Variants in DDTL observed in about 807,000 individuals in gnomAD.
DDTL encodes putative D-dopachrome decarboxylase-like protein.
DDTL carries 1 observed loss-of-function variant against 1.1 expected under a neutral mutation model. The observed-to-expected ratio is 0.91, with a 90% CI of 0.32 to 4.31. DDTL has a LOEUF of 4.31. Ranked by LOEUF, DDTL falls within the 30% of genes most tolerant of loss-of-function variation. The pLI, the probability that DDTL is intolerant of heterozygous loss-of-function variation, is 0.17. For missense variants in DDTL, 54 were observed against 48.9 expected (o/e 1.10, Z -0.31); for synonymous variants, 21 against 16.6 (o/e 1.26, Z -0.64).
chr22:23,971,403 A>G lies in DDTL; in HGVS notation c.402A>G (p.Ile134Met). Residue 134 changes from isoleucine to methionine, a missense_variant, in exon 3 of 3, where the codon ATA becomes ATG. Transcript: ENST00000215770. Reference sequence around the variant, plus strand: ...AGGAAGCTCTCTTCATTTATTTCATATGAGGATGAAGAAGAGGATTATGTG... The same window carrying G: ...AGGAAGCTCTCTTCATTTATTTCATGTGAGGATGAAGAAGAGGATTATGTG... ...LNEEALFIYF[I>M] is the part of the protein sequence containing the mutation. 6.2e-7 allele frequency: 1 copy of G among 1,613,406 alleles called. No individual in the cohort carries two copies. Among genetic ancestry groups the G allele is most frequent in the Non-Finnish European group, 8.5e-7 (1 of 1,179,652 alleles).
chr22:23,969,467 T>G (rs925333959), intron 2 of DDTL: 8 of 986,062 alleles, frequency 8.1e-6, no homozygotes, highest in Non-Finnish European at 9.6e-6. Context: ...CTGTGTTGAG[T>G]GTCTGTCCTA....
At position 23,971,404 on chromosome 22, in the gene DDTL, T is replaced by G. The variant is rs777428080; in HGVS notation, c.403T>G (p.Ter135GlyextTer2). 7 of 1,613,414 alleles carry G rather than the reference T, an allele frequency of 4.3e-6. No homozygotes were observed. The South Asian group carries it at 7.7e-5, about 18-fold the overall frequency. The part of the protein sequence containing the change: ...NEEALFIYFI[*>G] ...GGAAGCTCTCTTCATTTATTTCATA[T>G]GAGGATGAAGAAGAGGATTATGTGA... Residue 135 changes from the stop codon to glycine, a stop_lost, in exon 3 of 3, where the codon TGA becomes GGA. Transcript: ENST00000215770.
At position 23,969,258 on chromosome 22, in the gene DDTL, G is replaced by A. The variant is rs530233526; in HGVS notation, c.284+1697G>A. Reference sequence around the variant, plus strand: ...GCTGTGGCGCTCCTCACTGAAAACTGCTGTCACCTCTGAGAGGGGCATGTT... The same window carrying A: ...GCTGTGGCGCTCCTCACTGAAAACTACTGTCACCTCTGAGAGGGGCATGTT... On this transcript the variant is annotated intron_variant, in intron 2 of 2. Transcript: ENST00000215770. 83 of 985,522 alleles carry A rather than the reference G, an allele frequency of 8.4e-5. No individual in the cohort carries two copies. In the African/African-American group the frequency reaches 1.3e-3, roughly 16 times the overall value. The allele number at this position is 985,522 out of a possible 1,614,324, so 61.0% of individuals were successfully genotyped here.
Position 23,971,679 on chromosome 22 carries a change from C to A in DDTL, c.*273C>A. On this transcript the variant is annotated 3_prime_UTR_variant, in exon 3 of 3. Coordinates refer to ENST00000215770, the MANE Select transcript of DDTL (RefSeq NM_001084393.2). ...GCTCCTTGGCTAATACCACATCTTG[C>A]AAGACCCCTGCCAGGTACTCCCACT... is the stretch of plus-strand genomic sequence containing the variant. 1.3e-6 allele frequency: 2 copies of A among 1,526,930 alleles called. No homozygotes were observed. Among genetic ancestry groups the A allele is most frequent in the Admixed American group, 1.8e-5 (1 of 55,998 alleles). The allele number at this position is 1,526,930 out of a possible 1,614,324, so 94.6% of individuals were successfully genotyped here.
At chr22:23,969,706 C>T in intron 2 of DDTL, 1 of 978,072 alleles carries the variant, frequency 1.0e-6, no homozygotes, top group Non-Finnish European at 1.2e-6. Flanking sequence ...GTGATCCAAA[C>T]TACATGGGAG....
rs1601559259 is a variant in DDTL at position 23,971,719 on chromosome 22, C to G, written c.*313C>G. The stretch of plus-strand genomic sequence containing the variant: ...GTACTCCCACTGTGGGTACTCAGGA[C>G]AGCCTGCCTCAGTCCACCAGGCATT... On this transcript the variant is annotated 3_prime_UTR_variant, in exon 3 of 3. Transcript: ENST00000215770. The G allele has an allele frequency of 9.2e-7, 1 of 1,083,992 alleles. No individual in the cohort carries two copies. Among genetic ancestry groups the G allele is most frequent in the Non-Finnish European group, 1.3e-6 (1 of 748,136 alleles). The allele number at this position is 1,083,992 out of a possible 1,614,324, so 67.1% of individuals were successfully genotyped here. A position where few individuals can be genotyped will look rare whatever the true frequency, so the allele number is the denominator to read the frequency against.
In DDTL at chr22:23,971,323, G is replaced by C. The variant is rs1186439548; in HGVS notation, c.322G>C (p.Gly108Arg). The C allele has an allele frequency of 1.2e-6, 2 of 1,614,144 alleles. No individual in the cohort carries two copies. The highest frequency in any genetic ancestry group is 1.7e-5 in the Admixed American group (1 of 60,016). The change falls in exon 3 of 3, where the codon GGT becomes CGT. Residue 108 changes from glycine (G) to arginine (R), a missense_variant. By Grantham distance (125) the Gly-to-Arg change is moderately radical. Transcript: ENST00000215770. ...TVLSTSPAAH[G>R]GPRCPGEIIE... ...CTTATCCACCAGCCCTGCTGCCCAT[G>C]GTGGCCCCAGATGCCCAGGAGAGAT...
chr22:23,972,165 T>C lies in DDTL; in HGVS notation c.*759T>C, dbSNP rs1288452718. 1 of 968,090 alleles carries C rather than the reference T, an allele frequency of 1.0e-6. No individual in the cohort carries two copies. Among genetic ancestry groups the C allele is most frequent in the African/African-American group, 1.8e-5 (1 of 56,770 alleles). 60.0% of individuals were successfully genotyped at this position (968,090 alleles called of 1,614,324 possible). A position where few individuals can be genotyped will look rare whatever the true frequency, so the allele number is the denominator to read the frequency against. The stretch of plus-strand genomic sequence containing the variant: ...TCTTCTCATCATAAAATTGGCATAA[T>C]GGAGATTATCTACCTCATGGGGATA... On this transcript the variant is annotated 3_prime_UTR_variant, in exon 3 of 3. Transcript: ENST00000215770.
At chr22:23,969,994 C>G in intron 2 of DDTL, 2 of 375,332 alleles carry the variant, frequency 5.3e-6, no homozygotes, top group African/African-American at 2.2e-5. Context: ...CCTCATGTCA[C>G]CTGGCAGGAG....
intron 2 of DDTL, 75 bp from the exon 3 acceptor site, chr22:23,971,211 T>C (rs992458534): frequency 5.2e-6 from 8 of 1,527,612 alleles, no homozygotes; most frequent in African/African-American, 2.8e-5. Flanking sequence ...GGCCTGCAGA[T>C]GGGTGTGGAG....
chr22:23,970,661 G>A (rs1045757742), intron 2 of DDTL, among the ~76,000 whole-genome samples: 1 of 152,136 alleles, frequency 6.6e-6, no homozygotes, highest in Admixed American at 6.5e-5. Context: ...GATTGTATAT[G>A]TGTGTGAATG....
At chr22:23,970,826 C>A (rs1441759777) in intron 2 of DDTL, among the ~76,000 whole-genome samples, 5 of 152,044 alleles carry the variant, frequency 3.3e-5, no homozygotes, top group Non-Finnish European at 5.9e-5. Context: ...GCCTGGGGAC[C>A]CCTGGGCTGG....
chr22:23,972,063 G>T lies in DDTL; in HGVS notation c.*657G>T. ...ATAAGTGAACATGCCCCTCTCAGAG[G>T]TAACAGCAAGTTTCCAGTGAGGAAA... On this transcript the variant is annotated 3_prime_UTR_variant, in exon 3 of 3. Transcript: ENST00000215770. 1.7e-6 allele frequency: 1 copy of T among 596,442 alleles called. No homozygotes were observed. 36.9% of individuals were successfully genotyped at this position (596,442 alleles called of 1,614,324 possible). A position where few individuals can be genotyped will look rare whatever the true frequency, so the allele number is the denominator to read the frequency against.
At position 23,972,026 on chromosome 22, in the gene DDTL, A is replaced by C. The variant is rs1249621792; in HGVS notation, c.*620A>C. On this transcript the variant is annotated 3_prime_UTR_variant, in exon 3 of 3. Transcript: ENST00000215770. The stretch of plus-strand genomic sequence containing the variant: ...CCCCCACCCCACCAACCCCGCCACT[A>C]ATGTCTGGGCCATAAGTGAACATGC... 5 of 347,864 alleles carry C rather than the reference A, an allele frequency of 1.4e-5. No individual in the cohort carries two copies. The highest frequency in any genetic ancestry group is 1.6e-4 in the East Asian group (1 of 6,234). 21.5% of individuals were successfully genotyped at this position (347,864 alleles called of 1,614,324 possible). A position where few individuals can be genotyped will look rare whatever the true frequency, so the allele number is the denominator to read the frequency against.
rs1008924555 is a variant in DDTL, at chr22:23,972,290, T to C, written c.*884T>C. 2.3e-6 allele frequency: 2 copies of C among 884,072 alleles called. No individual in the cohort carries two copies. Among genetic ancestry groups the C allele is most frequent in the African/African-American group, 1.8e-5 (1 of 54,218 alleles). 54.8% of individuals were successfully genotyped at this position (884,072 alleles called of 1,614,324 possible). A position where few individuals can be genotyped will look rare whatever the true frequency, so the allele number is the denominator to read the frequency against. Reference sequence around the variant, plus strand: ...TGTAGAGGACCTAGCACATGGTAAGTGTATAACACTTGTTGTTAGAGTAAC... The same window carrying C: ...TGTAGAGGACCTAGCACATGGTAAGCGTATAACACTTGTTGTTAGAGTAAC... On this transcript the variant is annotated 3_prime_UTR_variant, in exon 3 of 3. Coordinates refer to ENST00000215770, the MANE Select transcript of DDTL (RefSeq NM_001084393.2).
At chr22:23,969,430 G>T (rs1180500044) in intron 2 of DDTL, 1 of 985,944 alleles carries the variant, frequency 1.0e-6, no homozygotes, top group Non-Finnish European at 1.2e-6. Flanking sequence ...AGAGATGATG[G>T]AGTGTGCAGC....
Position 23,971,769 on chromosome 22 carries a change from T to C in DDTL, c.*363T>C, listed in dbSNP as rs530591426. Reference sequence around the variant, plus strand: ...TTTGCAAACCTGCTCATCCCAATAATGATTTTCCCCAACCCCCAGCAGGGC... The same window carrying C: ...TTTGCAAACCTGCTCATCCCAATAACGATTTTCCCCAACCCCCAGCAGGGC... On this transcript the variant is annotated 3_prime_UTR_variant, in exon 3 of 3. Coordinates refer to ENST00000215770, the MANE Select transcript of DDTL (RefSeq NM_001084393.2). 1 of 700,242 alleles carries C rather than the reference T, an allele frequency of 1.4e-6. No homozygotes were observed. The highest frequency in any genetic ancestry group is 2.9e-5 in the Admixed American group (1 of 35,000). 43.4% of individuals were successfully genotyped at this position (700,242 alleles called of 1,614,324 possible).
Position 23,971,447 on chromosome 22 carries a change from G to T in DDTL, c.*41G>T, listed in dbSNP as rs1185578175. On this transcript the variant is annotated 3_prime_UTR_variant, in exon 3 of 3. Coordinates refer to ENST00000215770, the MANE Select transcript of DDTL (RefSeq NM_001084393.2). ...TTATGTGATCACAGGAATGTTGCAT[G>T]CGGGATAATCCAAAGCTGGTTATCT... 2 of 1,608,826 alleles carry T rather than the reference G, an allele frequency of 1.2e-6. No individual in the cohort carries two copies. Among genetic ancestry groups the T allele is most frequent in the Admixed American group, 1.7e-5 (1 of 59,592 alleles).
Position 23,971,478 on chromosome 22 carries a change from C to T in DDTL, c.*72C>T. The stretch of plus-strand genomic sequence containing the variant: ...TAATCCAAAGCTGGTTATCTCCAGG[C>T]CCTCACTCTGCCAAGAGATCTCTCT... On this transcript the variant is annotated 3_prime_UTR_variant, in exon 3 of 3. Coordinates refer to ENST00000215770, the MANE Select transcript of DDTL (RefSeq NM_001084393.2). 6.2e-7 allele frequency: 1 copy of T among 1,607,738 alleles called. No homozygotes were observed. Among genetic ancestry groups the T allele is most frequent in the South Asian group, 1.1e-5 (1 of 90,444 alleles).
Sources: gnomAD v4.1 joint callset for allele counts (sites outside exome capture counted in the v4.1 genomes callset) on GRCh38, gnomAD v4.1.1 for gene constraint, MANE v1.5 for transcripts, NCBI Gene and HGNC (gene_info 2026-07-23, HGNC 2026-07-21) for gene names.